CHRDL1: variants seen among roughly 807,000 people sequenced by gnomAD.
CHRDL1 encodes chordin like 1.
CHRDL1 carries 19 observed loss-of-function variants against 40.9 expected under a neutral mutation model. The ratio of observed to expected loss-of-function variants is 0.46; its 90% CI spans 0.32 to 0.68. CHRDL1 has a LOEUF of 0.68. CHRDL1 is among the 30% of genes least tolerant of loss of function. The pLI is 0.03. For synonymous variants in CHRDL1, 136 were observed against 123.4 expected (o/e 1.10, Z -0.68); for missense variants, 329 against 352.1 (o/e 0.93, Z 0.53).
chrX:110,690,005 A>G (rs59360412), intron 8 of CHRDL1, among the ~76,000 whole-genome samples: 1 of 28,541 alleles, frequency 3.5e-5, no homozygotes, highest in East Asian at 3.8e-4. Context: ...CTATATATCT[A>G]TATATATCTA....
intron 4 of CHRDL1, among the ~76,000 whole-genome samples, chrX:110,723,369 G>C (rs755313182): frequency 9.0e-6 from 1 of 111,684 alleles, no homozygotes; most frequent in African/African-American, 3.3e-5. Flanking sequence ...AATAATACAC[G>C]AATAGATACC....
chrX:110,776,933 A>G (rs1248493494), intron 2 of CHRDL1, among the ~76,000 whole-genome samples: 1 of 111,374 alleles, frequency 9.0e-6, no homozygotes, highest in African/African-American at 3.3e-5. Context: ...AATGACATGT[A>G]TCCACTATTA....
At chrX:110,719,538 T>C (rs2070906794) in intron 6 of CHRDL1, among the ~76,000 whole-genome samples, 1 of 110,591 alleles carries the variant, frequency 9.0e-6, no homozygotes, top group African/African-American at 3.3e-5. Context: ...AGGGCCAAGC[T>C]AGAAGGGATT....
At chrX:110,710,741 G>A (rs1345361306) in intron 6 of CHRDL1, among the ~76,000 whole-genome samples, 1 of 112,095 alleles carries the variant, frequency 8.9e-6, no homozygotes, top group African/African-American at 3.2e-5. Context: ...CATTTCCATG[G>A]AAGGAGATCC....
At chrX:110,689,348 C>T (rs1311298310) in intron 8 of CHRDL1, among the ~76,000 whole-genome samples, 1 of 97,903 alleles carries the variant, frequency 1.0e-5, no homozygotes, top group Non-Finnish European at 2.0e-5. Context: ...CCACTTGCCT[C>T]AGCCTCCTAA....
Position 110,684,636 on chromosome X carries a change from GAGCATGCTGGCAAGT to G in CHRDL1, c.989-3002_989-2988del, listed in dbSNP as rs200535056. Reference sequence around the variant, plus strand: ...TCTTTCTTTTCTGCTAGAATGTAAAGAGCATGCTGGCAAGTAGCCTTTGTCTTGTTCACATCTCTG... The same window carrying G: ...TCTTTCTTTTCTGCTAGAATGTAAAGAGCCTTTGTCTTGTTCACATCTCTG... On this transcript the variant is annotated intron_variant, in intron 9 of 11. Coordinates refer to ENST00000372042, the MANE Select transcript of CHRDL1 (RefSeq NM_001143981.2). Among the ~76,000 whole-genome samples, 721 of 112,719 alleles carry G rather than the reference GAGCATGCTGGCAAGT, an allele frequency of 6.4e-3. 5 individuals carry two copies. Among genetic ancestry groups the G allele is most frequent in the East Asian group, 0.02 (73 of 3,598 alleles).
At chrX:110,689,742 T>C (rs2070179154) in intron 8 of CHRDL1, among the ~76,000 whole-genome samples, 1 of 58,768 alleles carries the variant, frequency 1.7e-5, no homozygotes, top group Non-Finnish European at 2.6e-5. Context: ...TATATCTATA[T>C]ATATCTATAT....
At chrX:110,778,227 C>T (rs931325653) in intron 2 of CHRDL1, among the ~76,000 whole-genome samples, 1 of 111,540 alleles carries the variant, frequency 9.0e-6, no homozygotes, top group Non-Finnish European at 1.9e-5. Flanking sequence ...CCAGAAGCAA[C>T]TGCAACAAAA....
chrX:110,718,635 A>G (rs2070886152), intron 6 of CHRDL1, among the ~76,000 whole-genome samples: 1 of 111,803 alleles, frequency 8.9e-6, no homozygotes, highest in Admixed American at 9.5e-5. Flanking sequence ...CTTCTTTGGG[A>G]TCTTTGCATG....
intron 2 of CHRDL1, among the ~76,000 whole-genome samples, chrX:110,781,802 G>C (rs751937069): frequency 3.6e-5 from 4 of 111,985 alleles, no homozygotes; most frequent in African/African-American, 1.3e-4. Flanking sequence ...GATGTGATGA[G>C]GAAGGTATTC....
At chrX:110,697,300 G>C (rs1290883271) in intron 7 of CHRDL1, among the ~76,000 whole-genome samples, 1 of 109,532 alleles carries the variant, frequency 9.1e-6, no homozygotes, top group Non-Finnish European at 1.9e-5. Context: ...AGTTTTATTG[G>C]TGTAGACAAG....
intron 4 of CHRDL1, among the ~76,000 whole-genome samples, chrX:110,731,064 G>A (rs1308696718): frequency 9.0e-6 from 1 of 111,062 alleles, no homozygotes; most frequent in African/African-American, 3.3e-5. Flanking sequence ...CTTCTGCGAT[G>A]GTAGAGCTTC....
chrX:110,775,654 T>A (rs1387321420), intron 2 of CHRDL1, among the ~76,000 whole-genome samples: 1 of 111,853 alleles, frequency 8.9e-6, no homozygotes, highest in African/African-American at 3.2e-5. Context: ...GGATTTTTAA[T>A]CCCCTGACAG....
rs1015908270 is a variant in CHRDL1, at chrX:110,721,321, A to G, written c.447+64T>C. 3.6e-5 allele frequency: 37 copies of G among 1,037,614 alleles called. No individual in the cohort carries two copies. In the African/African-American group the frequency reaches 5.6e-4, roughly 16 times the overall value. The allele number at this position is 1,037,614 out of a possible 1,213,427, so 85.5% of individuals were successfully genotyped here. A position where few individuals can be genotyped will look rare whatever the true frequency, so the allele number is the denominator to read the frequency against. Reference sequence around the variant, plus strand: ...CAGTGCAGGCACAAATGAAAGTACAAGTACAGAGGAAGCTCTTGTATTTGA... The same window carrying G: ...CAGTGCAGGCACAAATGAAAGTACAGGTACAGAGGAAGCTCTTGTATTTGA... On this transcript the variant is annotated intron_variant, in intron 5 of 11. Transcript: ENST00000372042.
At position 110,759,663 on chromosome X, in the gene CHRDL1, G is replaced by C; in HGVS notation, c.299C>G (p.Pro100Arg). 8.5e-7 allele frequency: 1 copy of C among 1,174,161 alleles called. No homozygotes were observed. Among genetic ancestry groups the C allele is most frequent in the South Asian group, 1.8e-5 (1 of 56,004 alleles). The change falls in exon 4 of 12, where the codon CCA becomes CGA. Residue 100 changes from proline to arginine, a missense_variant and splice_region_variant. Coordinates refer to ENST00000372042, the MANE Select transcript of CHRDL1 (RefSeq NM_001143981.2). ...HIPHLCCPRCPEDSLPPVNNK... is the reference protein window; with the variant it reads ...HIPHLCCPRCREDSLPPVNNK... ...AAGAAAGAGACAAATTGCTTTACCT[G>C]GGCAGCGAGGGCAGCACAGATGAGG...
intron 8 of CHRDL1, among the ~76,000 whole-genome samples, chrX:110,690,964 C>T (rs746942596): frequency 3.1e-4 from 34 of 110,967 alleles, no homozygotes; most frequent in Non-Finnish European, 6.2e-4. Flanking sequence ...AATCCCAACA[C>T]TTTGGGAGGC....
chrX:110,732,621 T>C (rs1382636443), intron 4 of CHRDL1, among the ~76,000 whole-genome samples: 4 of 111,729 alleles, frequency 3.6e-5, no homozygotes, highest in Non-Finnish European at 7.5e-5. Flanking sequence ...TCCGTCAGTG[T>C]TTCAGCTGCT....
intron 6 of CHRDL1, among the ~76,000 whole-genome samples, chrX:110,716,706 A>G (rs2070848363): frequency 9.0e-6 from 1 of 111,496 alleles, no homozygotes; most frequent in Non-Finnish European, 1.9e-5. Context: ...ACTTATCAAA[A>G]TGCGACCTGA....
chrX:110,681,660 G>T lies in CHRDL1; in HGVS notation c.989-11C>A, dbSNP rs1307750670. 1 of 1,175,865 alleles carries T rather than the reference G, an allele frequency of 8.5e-7. No individual in the cohort carries two copies. The highest frequency in any genetic ancestry group is 1.9e-5 in the South Asian group (1 of 53,018). ...GGCCTGGAAGTTCTTCTGGAATCAG[G>T]AAGCAAGTAGAATTTTGTCATGGTT... On this transcript the variant is annotated splice_polypyrimidine_tract_variant and intron_variant, in intron 9 of 11. Coordinates refer to ENST00000372042, the MANE Select transcript of CHRDL1 (RefSeq NM_001143981.2).
Sources: allele counts gnomAD v4.1 joint callset (sites outside exome capture counted in the v4.1 genomes callset), GRCh38; gene constraint gnomAD v4.1.1; transcripts MANE v1.5; gene names NCBI Gene and HGNC (gene_info 2026-07-23, HGNC 2026-07-21).